OSBPL9: variants seen among roughly 807,000 people sequenced by gnomAD.
OSBPL9 encodes the protein oxysterol binding protein like 9.
Under a neutral mutation model 106.6 loss-of-function variants are expected in OSBPL9, and 40 were observed. The observed-to-expected ratio is 0.38, with a 90% CI of 0.29 to 0.49. The LOEUF (loss-of-function observed/expected upper bound fraction) is 0.49, where lower values mean the gene tolerates loss of function less well. Ranked by LOEUF, OSBPL9 falls within the 20% of genes least tolerant of loss-of-function variation. OSBPL9 has a pLI of 0.97. For missense variants in OSBPL9, 609 were observed against 887.2 expected (o/e 0.69, Z 3.98); for synonymous variants, 269 against 295.4 (o/e 0.91, Z 0.92).
intron 3 of OSBPL9, among the ~76,000 whole-genome samples, chr1:51,674,335 T>C (rs1650662757): frequency 6.6e-6 from 1 of 152,200 alleles, no homozygotes; most frequent in Non-Finnish European, 1.5e-5. Flanking sequence ...TAACTCACTA[T>C]GTTGCCAGGG....
At chr1:51,591,578 G>A (rs889708771) in intron 1 of OSBPL9, among the ~76,000 whole-genome samples, 5 of 152,306 alleles carry the variant, frequency 3.3e-5, no homozygotes, top group South Asian at 2.1e-4. Flanking sequence ...AAGCCAAGGC[G>A]GGCAGATCAC....
the OSBPL9 span, among the ~76,000 whole-genome samples, chr1:51,531,826 G>A: frequency 6.6e-6 from 1 of 152,146 alleles, no homozygotes; most frequent in Non-Finnish European, 1.5e-5. Context: ...AACCCAAGAA[G>A]TCCAACTACC....
intron 3 of OSBPL9, among the ~76,000 whole-genome samples, chr1:51,685,059 G>T (rs1456322672): frequency 6.6e-6 from 1 of 151,852 alleles, no homozygotes; most frequent in Non-Finnish European, 1.5e-5. Flanking sequence ...GCAGTCCTTC[G>T]CTTCTAGAAA....
At chr1:51,671,458 C>T (rs1230582868) in intron 3 of OSBPL9, among the ~76,000 whole-genome samples, 1 of 152,170 alleles carries the variant, frequency 6.6e-6, no homozygotes, top group African/African-American at 2.4e-5. Flanking sequence ...ACAAATTCTA[C>T]TGTCAACTAT....
At chr1:51,564,193 C>T in the OSBPL9 span, among the ~76,000 whole-genome samples, 3 of 151,952 alleles carry the variant, frequency 2.0e-5, no homozygotes, top group African/African-American at 7.2e-5. Context: ...ATATGAAGGT[C>T]CAGCTCAGGA....
At chr1:51,645,048 G>A (rs1196612435) in intron 1 of OSBPL9, among the ~76,000 whole-genome samples, 1 of 152,178 alleles carries the variant, frequency 6.6e-6, no homozygotes, top group Non-Finnish European at 1.5e-5. Context: ...CACAAAAAGG[G>A]CTCGCTCACT....
At chr1:51,723,058 A>G (rs1339823073) in intron 4 of OSBPL9, among the ~76,000 whole-genome samples, 1 of 152,212 alleles carries the variant, frequency 6.6e-6, no homozygotes, top group Admixed American at 6.5e-5. Context: ...GATTTTCCCT[A>G]TACCCGCTTC....
intron 1 of OSBPL9, among the ~76,000 whole-genome samples, chr1:51,649,262 A>G (rs987005357): frequency 9.9e-5 from 15 of 152,128 alleles, no homozygotes; most frequent in African/African-American, 3.4e-4. Flanking sequence ...GTGCACCACC[A>G]TGCCCAGCTA....
the OSBPL9 span, chr1:51,561,483 T>C: frequency 4.6e-5 from 7 of 152,194 alleles, no homozygotes; most frequent in Non-Finnish European, 1.5e-5. Flanking sequence ...TCACTGATTC[T>C]AGGTAAATCA....
intron 22 of OSBPL9, 135 bp downstream of exon 22, chr1:51,786,752 T>C: frequency 1.6e-6 from 1 of 639,330 alleles, no homozygotes; most frequent in Non-Finnish European, 2.7e-6. Context: ...TGGGTTCGTA[T>C]GTCAGAACTA....
At chr1:51,592,927 G>A (rs966163516) in intron 1 of OSBPL9, among the ~76,000 whole-genome samples, 8 of 152,122 alleles carry the variant, frequency 5.3e-5, no homozygotes, top group African/African-American at 1.9e-4. Flanking sequence ...GCTGGGGCAG[G>A]GAAATGGGCC....
the OSBPL9 span, chr1:51,561,405 C>T: frequency 5.1e-4 from 78 of 152,312 alleles, no homozygotes; most frequent in African/African-American, 1.7e-3. Context: ...ATTATTGATG[C>T]TTGCTCATTT....
the OSBPL9 span, among the ~76,000 whole-genome samples, chr1:51,525,193 C>T: frequency 6.6e-6 from 1 of 152,190 alleles, no homozygotes; most frequent in Non-Finnish European, 1.5e-5. Flanking sequence ...CCAGCTCAGC[C>T]CCATTTGACT....
At chr1:51,621,764 A>AC in intron 1 of OSBPL9, among the ~76,000 whole-genome samples, 1 of 152,308 alleles carries the variant, frequency 6.6e-6, no homozygotes, top group South Asian at 2.1e-4. Flanking sequence ...TGTCTAAGAC[A>AC]CCAGGTCATT....
chr1:51,780,000 C>T (rs1557864758), intron 15 of OSBPL9, among the ~76,000 whole-genome samples: 2 of 151,730 alleles, frequency 1.3e-5, no homozygotes, highest in South Asian at 2.1e-4. Context: ...ATGGCGTGAA[C>T]CCGGCAGGTG....
At chr1:51,658,523 A>T (rs1170693198) in intron 2 of OSBPL9, among the ~76,000 whole-genome samples, 3 of 152,212 alleles carry the variant, frequency 2.0e-5, no homozygotes, top group African/African-American at 7.2e-5. Context: ...CTATTAATCT[A>T]CATGTGATTT....
At chr1:51,627,693 C>T (rs576163312) in intron 1 of OSBPL9, among the ~76,000 whole-genome samples, 37 of 151,886 alleles carry the variant, frequency 2.4e-4, no homozygotes, top group South Asian at 1.0e-3. Flanking sequence ...GTTCATCTCT[C>T]CTACTTTGAA....
the OSBPL9 span, among the ~76,000 whole-genome samples, chr1:51,547,633 G>A: frequency 5.3e-5 from 8 of 151,950 alleles, no homozygotes; most frequent in Admixed American, 3.3e-4. Context: ...CACTTGAGCC[G>A]AGGAGTTTGA....
chr1:51,547,632 C>T, the OSBPL9 span, among the ~76,000 whole-genome samples: 10 of 151,940 alleles, frequency 6.6e-5, no homozygotes, highest in African/African-American at 1.5e-4. Flanking sequence ...TCACTTGAGC[C>T]GAGGAGTTTG....
Sources: allele counts gnomAD v4.1 joint callset (sites outside exome capture counted in the v4.1 genomes callset), GRCh38; gene constraint gnomAD v4.1.1; transcripts MANE v1.5; gene names NCBI Gene and HGNC (gene_info 2026-07-23, HGNC 2026-07-21).